Variants in AGK observed in about 807,000 individuals in gnomAD.
The protein encoded by AGK is acylglycerol kinase.
In AGK, 52 loss-of-function variants were observed where a neutral mutation model predicts 66.4. The observed-to-expected ratio is 0.78, with a 90% CI of 0.63 to 0.99. The LOEUF (loss-of-function observed/expected upper bound fraction) is 0.99. Ranked by LOEUF, AGK falls within the 50% of genes least tolerant of loss-of-function variation. The pLI is 0.00. For synonymous variants in AGK, 182 were observed against 181.1 expected (o/e 1.00, Z -0.04); for missense variants, 451 against 506.6 (o/e 0.89, Z 1.05).
At chr7:141,609,775 T>C (rs1796540900) in intron 5 of AGK, among the ~76,000 whole-genome samples, 1 of 152,172 alleles carries the variant, frequency 6.6e-6, no homozygotes. Flanking sequence ...AGCTCCCATC[T>C]TGAAGCTATT....
chr7:141,616,483 C>A (rs1462233445), intron 8 of AGK: 6 of 151,608 alleles, frequency 4.0e-5, no homozygotes, highest in Non-Finnish European at 7.4e-5. Context: ...CTTTGGAATT[C>A]TTTGATTAGG....
intron 8 of AGK, among the ~76,000 whole-genome samples, chr7:141,619,101 G>A (rs957373023): frequency 6.6e-5 from 10 of 152,028 alleles, no homozygotes; most frequent in African/African-American, 9.7e-5. Flanking sequence ...GTGAGGCTTC[G>A]TACTGAGATG....
At chr7:141,622,680 GA>G (rs1239879636) in intron 9 of AGK, among the ~76,000 whole-genome samples, 1 of 152,140 alleles carries the variant, frequency 6.6e-6, no homozygotes, top group Non-Finnish European at 1.5e-5. Flanking sequence ...CAACAGTATT[GA>G]AATTAGACCA....
intron 2 of AGK, among the ~76,000 whole-genome samples, chr7:141,576,737 T>C (rs1464856710): frequency 6.6e-6 from 1 of 151,838 alleles, no homozygotes; most frequent in East Asian, 1.9e-4. Context: ...GTTCACTATA[T>C]CTAACAAAAA....
At chr7:141,635,569 A>G (rs1364376318) in intron 10 of AGK, among the ~76,000 whole-genome samples, 1 of 152,188 alleles carries the variant, frequency 6.6e-6, no homozygotes, top group Non-Finnish European at 1.5e-5. Context: ...CTCTTGGATT[A>G]TATCTAAGCT....
intron 2 of AGK, among the ~76,000 whole-genome samples, chr7:141,570,649 G>A (rs1481249401): frequency 1.4e-5 from 2 of 138,426 alleles, no homozygotes; most frequent in Admixed American, 7.2e-5. Context: ...TGTTTTTACT[G>A]GAGTAGTTTA....
intron 2 of AGK, among the ~76,000 whole-genome samples, chr7:141,580,785 G>A (rs1036166867): frequency 6.6e-6 from 1 of 152,028 alleles, no homozygotes; most frequent in Non-Finnish European, 1.5e-5. Context: ...CCTGGTCCTT[G>A]TGTAAGAATT....
chr7:141,614,529 T>C (rs1796665326), intron 7 of AGK, among the ~76,000 whole-genome samples: 1 of 151,514 alleles, frequency 6.6e-6, no homozygotes, highest in South Asian at 2.1e-4. Context: ...TGTATAAATA[T>C]CTACATGGCT....
intron 2 of AGK, among the ~76,000 whole-genome samples, chr7:141,590,373 A>T (rs1796086195): frequency 6.6e-6 from 1 of 152,174 alleles, no homozygotes; most frequent in Non-Finnish European, 1.5e-5. Flanking sequence ...TGCAGAAAAA[A>T]TCCACAGGGC....
intron 2 of AGK, among the ~76,000 whole-genome samples, chr7:141,575,654 C>CTTTTTTTT (rs58292692): frequency 2.2e-4 from 13 of 58,240 alleles, no homozygotes; most frequent in Admixed American, 4.1e-4. Flanking sequence ...TTACAAAGGC[C>CTTTTTTTT]TTTTTTTTTT....
chr7:141,596,868 T>C, intron 4 of AGK: 2 of 517,262 alleles, frequency 3.9e-6, no homozygotes, highest in Middle Eastern at 3.0e-4. Flanking sequence ...AATCATTCCA[T>C]GATTAACACC....
At chr7:141,556,857 C>T (rs1030014060) in intron 2 of AGK, among the ~76,000 whole-genome samples, 2 of 152,156 alleles carry the variant, frequency 1.3e-5, no homozygotes, top group African/African-American at 4.8e-5. Context: ...ATAAAGAATT[C>T]AGAGGAGTCA....
intron 2 of AGK, among the ~76,000 whole-genome samples, chr7:141,571,643 A>G (rs1362800047): frequency 1.3e-5 from 2 of 152,212 alleles, no homozygotes; most frequent in African/African-American, 4.8e-5. Flanking sequence ...GAAAGTTAAG[A>G]AGGATCACTT....
intron 1 of AGK, among the ~76,000 whole-genome samples, chr7:141,552,774 G>A (rs796307318): frequency 3.9e-5 from 6 of 152,276 alleles, no homozygotes; most frequent in African/African-American, 1.4e-4. Context: ...TGCTCATCCT[G>A]TAAGTATAGG....
chr7:141,593,610 A>G, intron 3 of AGK: 1 of 539,370 alleles, frequency 1.9e-6, no homozygotes, highest in Middle Eastern at 4.8e-4. Context: ...TTTAAAGCTC[A>G]TCTCCAAGTT....
intron 2 of AGK, among the ~76,000 whole-genome samples, chr7:141,583,465 G>A (rs1351196766): frequency 6.8e-6 from 1 of 147,798 alleles, no homozygotes; most frequent in Non-Finnish European, 1.5e-5. Flanking sequence ...AGAAAAGAGA[G>A]GGTAGAGACA....
chr7:141,571,696 AG>A (rs1795612020), intron 2 of AGK, among the ~76,000 whole-genome samples: 1 of 152,230 alleles, frequency 6.6e-6, no homozygotes, highest in African/African-American at 2.4e-5. Flanking sequence ...AGGGGGCTCT[AG>A]AGCCCAATAG....
intron 1 of AGK, among the ~76,000 whole-genome samples, chr7:141,553,238 C>T (rs1039686141): frequency 6.6e-6 from 1 of 152,210 alleles, no homozygotes; most frequent in Admixed American, 6.5e-5. Flanking sequence ...GGGAGCCACT[C>T]TTATGACCCA....
At chr7:141,651,178 A>G (rs1012980216) in intron 14 of AGK, among the ~76,000 whole-genome samples, 6 of 152,240 alleles carry the variant, frequency 3.9e-5, no homozygotes, top group African/African-American at 1.4e-4. Context: ...GACGTTTAGT[A>G]CTTTTCCTAA....
Sources: gnomAD v4.1 joint callset for allele counts (sites outside exome capture counted in the v4.1 genomes callset) on GRCh38, gnomAD v4.1.1 for gene constraint, MANE v1.5 for transcripts, NCBI Gene and HGNC (gene_info 2026-07-23, HGNC 2026-07-21) for gene names.